The following KRT19 variants were observed in gnomAD, a reference collection of about 807,000 sequenced individuals.
KRT19 encodes the protein keratin 19, also known as keratin, type I cytoskeletal 19.
KRT19 carries 21 observed loss-of-function variants against 34.6 expected under a neutral mutation model. The ratio of observed to expected loss-of-function variants is 0.61; its 90% confidence interval spans 0.43 to 0.87. KRT19 has a LOEUF of 0.87. Among genes scored for constraint, KRT19 ranks in the 40% least tolerant of loss-of-function variants. The probability of loss-of-function intolerance (pLI) is 0.00; values close to 1 mark genes in which losing one functional copy is unlikely to be tolerated. For synonymous variants in KRT19, 240 were observed against 245.8 expected, an observed-to-expected ratio of 0.98 and a Z score of 0.22; for missense variants, 514 against 545.7, an observed-to-expected ratio of 0.94 and a Z score of 0.58.
At chr17:41,524,621 G>A in intron 3 of KRT19, 81 bp from the exon 4 acceptor site, 1 of 1,475,500 alleles carries the variant, frequency 6.8e-7, no homozygotes, top group Non-Finnish European at 9.4e-7. Flanking sequence ...CACCCTTCAG[G>A]CTAAAGGGGC....
At chr17:41,524,718 T>C in intron 3 of KRT19, 125 bp downstream of exon 3, 4 of 1,278,468 alleles carry the variant, frequency 3.1e-6, no homozygotes, top group Non-Finnish European at 4.5e-6. Context: ...GGATCCATGA[T>C]CCCACACCCA....
In KRT19 at chr17:41,526,235, A is replaced by G. The variant is rs551772399; in HGVS notation, c.421-962T>C. On this transcript the variant is annotated intron_variant, in intron 1 of 5. Coordinates refer to ENST00000361566, the MANE Select transcript of KRT19 (RefSeq NM_002276.5). ...GTGATCCGCCCGCCTCCGCCTCCCAAAGTGCTGGGATTACAGGCATGAGCC... is the reference window on the plus strand; with the variant it reads ...GTGATCCGCCCGCCTCCGCCTCCCAGAGTGCTGGGATTACAGGCATGAGCC... Among the ~76,000 whole-genome samples the G allele has an allele frequency of 2.2e-3, 329 of 152,124 alleles. 4 individuals carry two copies. The highest frequency in any genetic ancestry group is 5.9e-4 in the Non-Finnish European group (40 of 67,978).
chr17:41,527,962 C>G lies in KRT19; in HGVS notation c.286G>C (p.Asp96His), dbSNP rs1229712301. ...GCCGCCTCCAGGGCGCGCACCTTGT[C>G]CAGGTAGGAGGCCAGGCGGTCGTTG... Reference protein sequence around the residue: ...NLNDRLASYLDKVRALEAANG... With the variant: ...NLNDRLASYLHKVRALEAANG... The change falls in exon 1 of 6, where the codon GAC (aspartate) becomes CAC (histidine). Residue 96 changes from aspartate to histidine, a missense_variant. Asp to His is a moderately conservative substitution (Grantham distance 81). Coordinates refer to ENST00000361566, the MANE Select transcript of KRT19 (RefSeq NM_002276.5). 1 of 1,613,778 alleles carries G rather than the reference C, an allele frequency of 6.2e-7. No homozygotes were observed. The highest frequency in any genetic ancestry group is 8.5e-7 in the Non-Finnish European group (1 of 1,179,910).
At chr17:41,524,704 C>G in intron 3 of KRT19, 139 bp downstream of exon 3, 4 of 1,238,256 alleles carry the variant, frequency 3.2e-6, no homozygotes, top group Admixed American at 1.9e-5. Context: ...CTCTTGGAAC[C>G]CTGGGATCCA....
At chr17:41,525,318 A>AGTT in intron 1 of KRT19, 45 bp from the exon 2 acceptor site, 2 of 1,327,572 alleles carry the variant, frequency 1.5e-6, no homozygotes, top group Middle Eastern at 1.8e-4. Context: ...ACACACAGGC[A>AGTT]CTGCCCACTC....
chr17:41,524,980 G>A lies in KRT19; in HGVS notation c.523C>T (p.Leu175=), dbSNP rs1265919000. The A allele has an allele frequency of 1.9e-6, 3 of 1,614,124 alleles. No homozygotes were observed. The Admixed American group carries it at 5.0e-5, about 27-fold the overall frequency. The change falls in exon 3 of 6, where the codon CTG becomes TTG. Residue 175 remains leucine (L), a synonymous_variant. Coordinates refer to ENST00000361566, the MANE Select transcript of KRT19 (RefSeq NM_002276.5). ...FRTKFETEQA[L]RMSVEADING... ...ATGTCGGCCTCCACGCTCATGCGCA[G>A]AGCCTGTTCCGTCTCAAACCTTTCA...
chr17:41,528,277 T>TG lies in KRT19; in HGVS notation c.-31dup. On this transcript the variant is annotated 5_prime_UTR_variant, in exon 1 of 6. Coordinates refer to ENST00000361566, the MANE Select transcript of KRT19 (RefSeq NM_002276.5). Reference sequence around the variant, plus strand: ...AGGCGGAGCACGGACGGAGCAACCCTGGTCTCAGAAGCTGCGATTCGCGGG... The same window carrying TG: ...AGGCGGAGCACGGACGGAGCAACCCTGGGTCTCAGAAGCTGCGATTCGCGGG... 3.3e-6 allele frequency: 5 copies of TG among 1,500,060 alleles called. No homozygotes were observed. Among genetic ancestry groups the TG allele is most frequent in the Non-Finnish European group, 4.4e-6 (5 of 1,135,284 alleles). The allele number at this position is 1,500,060 out of a possible 1,614,324, so 92.9% of individuals were successfully genotyped here.
At position 41,528,218 on chromosome 17, in the gene KRT19, C is replaced by G. The variant is rs1304251359; in HGVS notation, c.30G>C (p.Ser10=). The change falls in exon 1 of 6, where the codon TCG becomes TCC. Residue 10 remains serine, a synonymous_variant. Transcript: ENST00000361566. ...CCAGGCCTCCGAAGGACGACGTGGC[C>G]GACGACTGGCGATAGCTGTAGGAAG... MTSYSYRQS[S]ATSSFGGLGG... The G allele has an allele frequency of 9.5e-6, 15 of 1,577,222 alleles. No individual in the cohort carries two copies. Among genetic ancestry groups the G allele is most frequent in the Non-Finnish European group, 1.2e-5 (14 of 1,170,080 alleles).
Position 41,524,226 on chromosome 17 carries a change from G to T in KRT19, c.865C>A (p.Leu289Ile), listed in dbSNP as rs1905775564. The T allele has an allele frequency of 6.2e-7, 1 of 1,614,152 alleles. No individual in the cohort carries two copies. The highest frequency in any genetic ancestry group is 1.3e-5 in the African/African-American group (1 of 75,050). Residue 289 changes from leucine (L) to isoleucine (I), a missense_variant, in exon 5 of 6, where the codon CTC becomes ATC. By Grantham distance (5) the Leu-to-Ile change is conservative. Transcript: ENST00000361566. The stretch of plus-strand genomic sequence containing the variant: ...GTAACCTCGGACCTGCTCATCTGGA[G>T]CTGCTCCGTGTGGCCAGCGACCTCC... Reference protein sequence around the residue: ...NREVAGHTEQLQMSRSEVTDL... With the variant: ...NREVAGHTEQIQMSRSEVTDL...
chr17:41,526,100 T>C (rs1214573721), intron 1 of KRT19, among the ~76,000 whole-genome samples: 1 of 151,924 alleles, frequency 6.6e-6, no homozygotes, highest in East Asian at 1.9e-4. Flanking sequence ...GCCTCCTGAG[T>C]AGCTGGGACT....
At chr17:41,524,355 G>T in intron 4 of KRT19, 24 bp downstream of exon 4, 1 of 1,613,708 alleles carries the variant, frequency 6.2e-7, no homozygotes, top group Non-Finnish European at 8.5e-7. Context: ...AACCCCCAAA[G>T]GGTGCCTGCT....
intron 5 of KRT19, 64 bp downstream of exon 5, chr17:41,524,079 C>T (rs1314828165): frequency 1.9e-6 from 3 of 1,600,378 alleles, no homozygotes; most frequent in East Asian, 4.5e-5. Context: ...GCCAGGCTGC[C>T]CTAGGCTGCA....
rs767938075 is a variant in KRT19 at position 41,524,043 on chromosome 17, C to T, written c.949-46G>A. 6.6e-5 allele frequency: 106 copies of T among 1,600,346 alleles called. 1 individual carries two copies. In the South Asian group the frequency reaches 9.3e-4, roughly 14 times the overall value. On this transcript the variant is annotated intron_variant, in intron 5 of 5. Transcript: ENST00000361566. The stretch of plus-strand genomic sequence containing the variant: ...TTGTGACTCAGCAGAGCCTGGTTCC[C>T]GGAGAGGGCATGGGCACAGCCACCG...
Position 41,523,793 on chromosome 17 carries a change from C to T in KRT19, c.1153G>A (p.Glu385Lys), listed in dbSNP as rs1343205127. The T allele has an allele frequency of 1.9e-6, 3 of 1,613,772 alleles. No individual in the cohort carries two copies. The highest frequency in any genetic ancestry group is 2.2e-5 in the East Asian group (1 of 44,894). Residue 385 changes from glutamate (E) to lysine (K), a missense_variant, in exon 6 of 6, where the codon GAG becomes AAG. Glu to Lys is a moderately conservative substitution (Grantham distance 56). Coordinates refer to ENST00000361566, the MANE Select transcript of KRT19 (RefSeq NM_002276.5). The part of the protein sequence containing the change: ...QEIATYRSLL[E>K]GQEDHYNNLS... ...TTGTTGTAGTGATCTTCCTGTCCCT[C>T]GAGCAGGCTGCGGTAGGTGGCAATC...
chr17:41,524,686 A>T, intron 3 of KRT19, 146 bp from the exon 4 acceptor site: 1 of 1,218,636 alleles, frequency 8.2e-7, no homozygotes, highest in Non-Finnish European at 1.2e-6. Context: ...CTGGGTCATC[A>T]CTGATTCCTC....
chr17:41,527,946 A>G lies in KRT19; in HGVS notation c.302T>C (p.Leu101Pro). The G allele has an allele frequency of 6.2e-7, 1 of 1,613,652 alleles. No homozygotes were observed. Among genetic ancestry groups the G allele is most frequent in the Non-Finnish European group, 8.5e-7 (1 of 1,179,878 alleles). Residue 101 changes from leucine to proline, a missense_variant, in exon 1 of 6, where the codon CTG becomes CCG. By Grantham distance (98) the Leu-to-Pro change is moderately conservative. Coordinates refer to ENST00000361566, the MANE Select transcript of KRT19 (RefSeq NM_002276.5). ...CTCTAGCTCGCCGTTGGCCGCCTCCAGGGCGCGCACCTTGTCCAGGTAGGA... is the reference window on the plus strand; with the variant it reads ...CTCTAGCTCGCCGTTGGCCGCCTCCGGGGCGCGCACCTTGTCCAGGTAGGA... The part of the protein sequence containing the change: ...LASYLDKVRA[L>P]EAANGELEVK...
At position 41,524,891 on chromosome 17, in the gene KRT19, G is replaced by A. The variant is rs762974814; in HGVS notation, c.612C>T (p.Ile204=). 1.1e-5 allele frequency: 17 copies of A among 1,614,184 alleles called. No individual in the cohort carries two copies. Among genetic ancestry groups the A allele is most frequent in the Admixed American group, 8.3e-5 (5 of 60,028 alleles). ...TLARTDLEMQ[I]EGLKEELAYL... The stretch of plus-strand genomic sequence containing the variant: ...AGGCCAGCTCTTCCTTCAGGCCTTC[G>A]ATCTGCATCTCCAGGTCGGTCCTGG... The change falls in exon 3 of 6, where the codon ATC becomes ATT. Residue 204 remains isoleucine (I), a synonymous_variant. Transcript: ENST00000361566.
rs890056298 is a variant in KRT19, at chr17:41,523,743, T to G, written c.1203A>C (p.Ter401CysextTer32). ...AGCAGAAGCCCCAGAGCCTGCTGCCTCAGAGGACCTTGGAGGCAGACAAAT... is the reference window on the plus strand; with the variant it reads ...AGCAGAAGCCCCAGAGCCTGCTGCCGCAGAGGACCTTGGAGGCAGACAAAT... ...YNNLSASKVL[*>C] Residue 401 changes from the stop codon to cysteine, a stop_lost, in exon 6 of 6, where the codon TGA becomes TGC. Transcript: ENST00000361566. 1 of 1,613,422 alleles carries G rather than the reference T, an allele frequency of 6.2e-7. No homozygotes were observed. The highest frequency in any genetic ancestry group is 1.3e-5 in the African/African-American group (1 of 74,896).
intron 1 of KRT19, among the ~76,000 whole-genome samples, chr17:41,526,270 G>A (rs1304690720): frequency 6.6e-6 from 1 of 151,878 alleles, no homozygotes; most frequent in South Asian, 2.1e-4. Context: ...CACCGCGCCC[G>A]GCCGATTGTG....
Sources: gnomAD v4.1 joint callset for allele counts (sites outside exome capture counted in the v4.1 genomes callset) on GRCh38, gnomAD v4.1.1 for gene constraint, MANE v1.5 for transcripts, NCBI Gene and HGNC (gene_info 2026-07-23, HGNC 2026-07-21) for gene names.